ERBB4: variants seen among roughly 807,000 people sequenced by gnomAD.
ERBB4 encodes erb-b2 receptor tyrosine kinase 4.
A neutral mutation model predicts 158.0 loss-of-function variants in ERBB4; 42 were observed. That is an observed-to-expected ratio of 0.27 (90% CI 0.21 to 0.34). ERBB4 has a LOEUF of 0.34. Among genes scored for constraint, ERBB4 ranks in the 10% least tolerant of loss-of-function variants. The pLI is 1.00. For missense variants in ERBB4, 1,333 were observed against 1,624.1 expected (o/e 0.82, Z 3.08); for synonymous variants, 583 against 558.7 (o/e 1.04, Z -0.61).
chr2:211,545,820 T>TAGTA (rs1221732578), intron 20 of ERBB4, among the ~76,000 whole-genome samples: 1 of 152,028 alleles, frequency 6.6e-6, no homozygotes, highest in Non-Finnish European at 1.5e-5. Flanking sequence ...GCATTGGGAA[T>TAGTA]AGTAGGATCT....
chr2:212,228,435 T>C (rs963262469), intron 1 of ERBB4, among the ~76,000 whole-genome samples: 2 of 152,182 alleles, frequency 1.3e-5, no homozygotes, highest in African/African-American at 4.8e-5. Context: ...GTGGAGGAGA[T>C]AATTTATAAT....
At chr2:211,808,470 C>T (rs1401659699) in intron 3 of ERBB4, among the ~76,000 whole-genome samples, 1 of 152,016 alleles carries the variant, frequency 6.6e-6, no homozygotes, top group Non-Finnish European at 1.5e-5. Flanking sequence ...GGCCTCTGTT[C>T]TGTTCCATTG....
intron 1 of ERBB4, among the ~76,000 whole-genome samples, chr2:212,230,143 G>T (rs988949645): frequency 6.6e-6 from 1 of 151,998 alleles, no homozygotes; most frequent in Non-Finnish European, 1.5e-5. Context: ...AAATTAGCTG[G>T]GTGTGGTGGT....
At chr2:212,125,005 G>A in intron 1 of ERBB4, 102 bp from the exon 2 acceptor site, 1 of 1,348,368 alleles carries the variant, frequency 7.4e-7, no homozygotes, top group Non-Finnish European at 1.1e-6. Context: ...GCCTATCCCA[G>A]TTCTCTGAAT....
rs147675144 is a variant in ERBB4, at chr2:211,752,501, A to G, written c.557-1797T>C. Among the ~76,000 whole-genome samples the G allele has an allele frequency of 2.7e-3, 389 of 143,306 alleles. 5 individuals are homozygous for G. Among genetic ancestry groups the G allele is most frequent in the African/African-American group, 8.7e-3 (357 of 40,872 alleles). 94.0% of individuals were successfully genotyped at this position (143,306 alleles called of 152,430 possible). On this transcript the variant is annotated intron_variant, in intron 4 of 27. Coordinates refer to ENST00000342788, the MANE Select transcript of ERBB4 (RefSeq NM_005235.3). ...AATACTACCTAACTGGAAAAAAAAA[A>G]AAAAGAAAAGAAAAGATAAAAGCAA... is the stretch of plus-strand genomic sequence containing the variant.
At chr2:211,508,801 G>C (rs1287490516) in intron 20 of ERBB4, among the ~76,000 whole-genome samples, 2 of 152,068 alleles carry the variant, frequency 1.3e-5, no homozygotes, top group Non-Finnish European at 2.9e-5. Context: ...GTGGCACATG[G>C]CACCTGTAGT....
chr2:211,577,900 A>C (rs2067941061), intron 19 of ERBB4, among the ~76,000 whole-genome samples: 2 of 152,128 alleles, frequency 1.3e-5, no homozygotes, highest in South Asian at 4.1e-4. Context: ...GAAAACTGGC[A>C]AAGACAAGGA....
intron 3 of ERBB4, among the ~76,000 whole-genome samples, chr2:211,865,583 G>C (rs528492339): frequency 6.6e-6 from 1 of 152,182 alleles, no homozygotes; most frequent in South Asian, 2.1e-4. Context: ...TGCCTCCCAG[G>C]TTCAAGTGAT....
Position 211,441,839 on chromosome 2 carries a change from TAACA to T in ERBB4, c.2488-10743_2488-10740del, listed in dbSNP as rs1350786489. Among the ~76,000 whole-genome samples, 11 of 152,232 alleles carry T rather than the reference TAACA, an allele frequency of 7.2e-5. No homozygotes were observed. In the South Asian group the frequency reaches 1.7e-3, roughly 23 times the overall value. On this transcript the variant is annotated intron_variant, in intron 20 of 27. Transcript: ENST00000342788. ...TCACTAGCTATTCTTGAGTCCCTAG[TAACA>T]AACAAACAGTCTCCTTAAAAATCTT...
intron 7 of ERBB4, among the ~76,000 whole-genome samples, chr2:211,721,855 A>T (rs1034109465): frequency 3.3e-5 from 5 of 151,910 alleles, no homozygotes; most frequent in African/African-American, 1.2e-4. Context: ...AAACAGAAAG[A>T]GGTTTTTGTT....
At chr2:211,615,605 C>T (rs1553593821) in intron 19 of ERBB4, among the ~76,000 whole-genome samples, 1 of 152,066 alleles carries the variant, frequency 6.6e-6, no homozygotes, top group Non-Finnish European at 1.5e-5. Context: ...ACCAAACTCT[C>T]CTTCTCTTGC....
At chr2:211,977,861 A>AAAG (rs2081661568) in intron 2 of ERBB4, among the ~76,000 whole-genome samples, 1 of 149,692 alleles carries the variant, frequency 6.7e-6, no homozygotes, top group African/African-American at 2.4e-5. Flanking sequence ...TCCGTCTCAA[A>AAAG]AAAAAAAAAA....
chr2:212,063,100 C>T (rs1277469974), intron 2 of ERBB4, among the ~76,000 whole-genome samples: 6 of 151,950 alleles, frequency 3.9e-5, no homozygotes, highest in Non-Finnish European at 7.4e-5. Flanking sequence ...ATTCTCTTGG[C>T]CTGCCATTTT....
chr2:212,358,687 G>A (rs985647423), intron 1 of ERBB4, among the ~76,000 whole-genome samples: 1 of 151,454 alleles, frequency 6.6e-6, no homozygotes, highest in African/African-American at 2.4e-5. Flanking sequence ...ATAGAATAAC[G>A]AATACTTAAC....
intron 2 of ERBB4, among the ~76,000 whole-genome samples, chr2:212,011,505 C>T (rs2076386270): frequency 6.6e-6 from 1 of 152,082 alleles, no homozygotes; most frequent in Admixed American, 6.6e-5. Flanking sequence ...AATCCCAGCA[C>T]CCTGGGAGGC....
intron 19 of ERBB4, among the ~76,000 whole-genome samples, chr2:211,570,014 C>T (rs1402536331): frequency 1.3e-5 from 2 of 152,128 alleles, no homozygotes; most frequent in Non-Finnish European, 2.9e-5. Flanking sequence ...AAGGTAAATG[C>T]CCCCATCACC....
chr2:211,458,162 T>G (rs10221842), intron 20 of ERBB4, among the ~76,000 whole-genome samples: 1 of 141,628 alleles, frequency 7.1e-6, no homozygotes. Flanking sequence ...CTGTTGACAC[T>G]GAGGTCACAA....
intron 1 of ERBB4, among the ~76,000 whole-genome samples, chr2:212,244,659 C>G (rs2084245349): frequency 6.6e-6 from 1 of 152,080 alleles, no homozygotes; most frequent in Admixed American, 6.6e-5. Flanking sequence ...TTTATCATTT[C>G]CCTCATGATT....
chr2:212,178,593 C>T (rs1044756477), intron 1 of ERBB4, among the ~76,000 whole-genome samples: 4 of 151,582 alleles, frequency 2.6e-5, no homozygotes, highest in African/African-American at 9.7e-5. Flanking sequence ...ACTCAAATAT[C>T]CCTAAGCTTC....
Sources: allele counts gnomAD v4.1 joint callset (sites outside exome capture counted in the v4.1 genomes callset), GRCh38; gene constraint gnomAD v4.1.1; transcripts MANE v1.5; gene names NCBI Gene and HGNC (gene_info 2026-07-23, HGNC 2026-07-21).